Variants in OCA2 observed in about 807,000 individuals in gnomAD.
The protein encoded by OCA2 is P protein.
OCA2 carries 77 observed loss-of-function variants against 100.2 expected under a neutral mutation model. That is an observed-to-expected ratio of 0.77 (90% confidence interval 0.64 to 0.93). The LOEUF (loss-of-function observed/expected upper bound fraction) is 0.93. Ranked by LOEUF, OCA2 falls within the 40% of genes least tolerant of loss-of-function variation. The probability of loss-of-function intolerance (pLI) is 0.00; values close to 1 mark genes in which losing one functional copy is unlikely to be tolerated. For missense variants in OCA2, 1,062 were observed against 1,089.1 expected, an observed-to-expected ratio of 0.98 and a Z score of 0.35; for synonymous variants, 432 against 439.2, an observed-to-expected ratio of 0.98 and a Z score of 0.21.
At chr15:27,820,331 C>T (rs1473933177) in intron 23 of OCA2, among the ~76,000 whole-genome samples, 2 of 152,202 alleles carry the variant, frequency 1.3e-5, no homozygotes, top group African/African-American at 4.8e-5. Flanking sequence ...GCAGTAAAGA[C>T]ACCCGACAAA....
In OCA2 at chr15:27,926,297, A is replaced by C. The variant is rs767908290; in HGVS notation, c.1952-43T>G. 14 of 1,609,702 alleles carry C rather than the reference A, an allele frequency of 8.7e-6. No homozygotes were observed. In the South Asian group the frequency reaches 1.5e-4, roughly 18 times the overall value. On this transcript the variant is annotated intron_variant, in intron 18 of 23. Coordinates refer to ENST00000354638, the MANE Select transcript of OCA2 (RefSeq NM_000275.3). ...GACATAGAGATATAGTTCCACTGTT[A>C]ACACACCGATTCATTTCTTTAACCT...
At chr15:28,097,054 C>T (rs958604593) in intron 1 of OCA2, among the ~76,000 whole-genome samples, 1 of 152,188 alleles carries the variant, frequency 6.6e-6, no homozygotes, top group African/African-American at 2.4e-5. Flanking sequence ...GTTCGGTGTC[C>T]CTTCGCCCAT....
At chr15:27,844,382 C>T (rs932155935) in intron 23 of OCA2, among the ~76,000 whole-genome samples, 7 of 152,328 alleles carry the variant, frequency 4.6e-5, no homozygotes, top group African/African-American at 1.7e-4. Flanking sequence ...GGCACAAGCT[C>T]CCACTGGAAT....
chr15:27,825,921 T>C (rs141456257), intron 23 of OCA2, among the ~76,000 whole-genome samples: 38 of 152,354 alleles, frequency 2.5e-4, no homozygotes, highest in African/African-American at 8.7e-4. Context: ...ATTTGTGCAA[T>C]AGATTCTCCT....
chr15:27,848,701 G>A (rs781080365), intron 22 of OCA2, among the ~76,000 whole-genome samples: 1 of 152,252 alleles, frequency 6.6e-6, no homozygotes, highest in Non-Finnish European at 1.5e-5. Context: ...TGTGTCTGCA[G>A]TATACATTCC....
At chr15:27,967,582 A>C (rs2040614449) in intron 14 of OCA2, among the ~76,000 whole-genome samples, 1 of 152,256 alleles carries the variant, frequency 6.6e-6, no homozygotes, top group African/African-American at 2.4e-5. Flanking sequence ...AGTCCCTGCC[A>C]TCGGTTTGAA....
chr15:28,067,179 T>C (rs146527538), intron 2 of OCA2, among the ~76,000 whole-genome samples: 4 of 152,334 alleles, frequency 2.6e-5, no homozygotes, highest in African/African-American at 9.6e-5. Flanking sequence ...ATAATATTAT[T>C]AAGGTGTCAA....
intron 23 of OCA2, among the ~76,000 whole-genome samples, chr15:27,767,951 G>T (rs1359419404): frequency 6.6e-6 from 1 of 152,208 alleles, no homozygotes; most frequent in African/African-American, 2.4e-5. Context: ...ACCTCTGTTT[G>T]GACTTGCCAC....
chr15:27,822,062 C>T (rs559134391), intron 23 of OCA2, among the ~76,000 whole-genome samples: 1 of 152,212 alleles, frequency 6.6e-6, no homozygotes, highest in Admixed American at 6.5e-5. Flanking sequence ...CAGTCAATCC[C>T]TGAATAGAGA....
chr15:28,064,611 C>G (rs1362639231), intron 2 of OCA2, among the ~76,000 whole-genome samples: 1 of 152,072 alleles, frequency 6.6e-6, no homozygotes, highest in Non-Finnish European at 1.5e-5. Context: ...GAATTTCTTG[C>G]TGATTTCTTT....
At chr15:27,778,874 G>A (rs944317182) in intron 23 of OCA2, among the ~76,000 whole-genome samples, 1 of 152,168 alleles carries the variant, frequency 6.6e-6, no homozygotes, top group Admixed American at 6.5e-5. Context: ...AAACATGCAG[G>A]AATTTCACTT....
chr15:27,774,799 CAG>C (rs1393507691), intron 23 of OCA2, among the ~76,000 whole-genome samples: 1 of 152,144 alleles, frequency 6.6e-6, no homozygotes. Context: ...GCCGGACGCA[CAG>C]AGGAAAGACC....
intron 21 of OCA2, among the ~76,000 whole-genome samples, chr15:27,863,794 T>G (rs959973543): frequency 1.1e-4 from 17 of 152,218 alleles, no homozygotes; most frequent in African/African-American, 3.9e-4. Flanking sequence ...TTTGCTCTTC[T>G]TCAATTCATT....
At chr15:27,847,887 C>T (rs949402161) in intron 22 of OCA2, among the ~76,000 whole-genome samples, 2 of 152,190 alleles carry the variant, frequency 1.3e-5, no homozygotes, top group African/African-American at 4.8e-5. Flanking sequence ...TGGCACAAGT[C>T]CAGACACAGC....
intron 22 of OCA2, among the ~76,000 whole-genome samples, chr15:27,849,230 G>A (rs1289358687): frequency 7.0e-6 from 1 of 143,618 alleles, no homozygotes; most frequent in Non-Finnish European, 1.6e-5. Context: ...CATGCTGCCT[G>A]GATTGGTGTG....
rs144691646 is a variant in OCA2, at chr15:28,060,032, C to T, written c.227+21616G>A. Among the ~76,000 whole-genome samples the T allele has an allele frequency of 3.2e-3, 484 of 152,382 alleles. 3 individuals carry two copies. The highest frequency in any genetic ancestry group is 0.011 in the African/African-American group (468 of 41,588). On this transcript the variant is annotated intron_variant, in intron 2 of 23. Coordinates refer to ENST00000354638, the MANE Select transcript of OCA2 (RefSeq NM_000275.3). ...GTGGGCGAGCACACGCCGCATGCCC[C>T]TCATGCAACCCGCTGCTTCCACCAA...
Position 27,796,423 on chromosome 15 carries a change from G to T in OCA2, c.2433-40951C>A, listed in dbSNP as rs183065799. On this transcript the variant is annotated intron_variant, in intron 23 of 23. Transcript: ENST00000354638. The stretch of plus-strand genomic sequence containing the variant: ...GGTCAACAGGATGCCCAGGAGACCT[G>T]CAGGAAACAGCACGTGCTGGGCACT... Among the ~76,000 whole-genome samples the T allele has an allele frequency of 2.4e-3, 362 of 152,352 alleles. 4 individuals are homozygous for T. The highest frequency in any genetic ancestry group is 8.5e-3 in the African/African-American group (353 of 41,588).
At chr15:27,799,758 A>T (rs968175427) in intron 23 of OCA2, among the ~76,000 whole-genome samples, 25 of 152,120 alleles carry the variant, frequency 1.6e-4, no homozygotes, top group African/African-American at 6.0e-4. Flanking sequence ...AAAAAAAAAA[A>T]AACTTTAGCA....
At chr15:28,014,093 C>T (rs894807745) in intron 9 of OCA2, among the ~76,000 whole-genome samples, 1 of 152,166 alleles carries the variant, frequency 6.6e-6, no homozygotes, top group Non-Finnish European at 1.5e-5. Context: ...CACTAGGACG[C>T]GCCTCTAACG....
Sources: gnomAD v4.1 joint callset for allele counts (sites outside exome capture counted in the v4.1 genomes callset) on GRCh38, gnomAD v4.1.1 for gene constraint, MANE v1.5 for transcripts, NCBI Gene and HGNC (gene_info 2026-07-23, HGNC 2026-07-21) for gene names.